The following MYO1E variants were observed in gnomAD, a reference collection of about 807,000 sequenced individuals.
MYO1E encodes unconventional myosin-Ie.
A neutral mutation model predicts 151.1 loss-of-function variants in MYO1E; 68 were observed. The ratio of observed to expected loss-of-function variants is 0.45; its 90% CI spans 0.37 to 0.55. The LOEUF is 0.55. Ranked by LOEUF, MYO1E falls within the 20% of genes least tolerant of loss-of-function variation. MYO1E has a pLI of 0.00. For synonymous variants in MYO1E, 601 were observed against 501.7 expected (o/e 1.20, Z -2.64); for missense variants, 1,363 against 1,389.3 (o/e 0.98, Z 0.30).
In MYO1E at chr15:59,200,271, G is replaced by A. The variant is rs535376357; in HGVS notation, c.1698+2055C>T. ...TCTGAATGTGACAGTCTTATGACTCGATTTTCCAGCCCAGAGTTAATCCTT... is the reference window on the plus strand; with the variant it reads ...TCTGAATGTGACAGTCTTATGACTCAATTTTCCAGCCCAGAGTTAATCCTT... On this transcript the variant is annotated intron_variant, in intron 16 of 27. Transcript: ENST00000288235. Among the ~76,000 whole-genome samples the A allele has an allele frequency of 4.2e-4, 64 of 152,232 alleles. No individual in the cohort carries two copies. The South Asian group carries it at 0.011, about 27-fold the overall frequency.
chr15:59,136,793 G>T lies in MYO1E; in HGVS notation c.*587C>A. On this transcript the variant is annotated 3_prime_UTR_variant, in exon 28 of 28. Transcript: ENST00000288235. ...AGCCCCTGACCTGCTTGGCGGCCCT[G>T]ATGGTCCCGGCAAAGTGTAAACCAG... 1 of 456,072 alleles carries T rather than the reference G, an allele frequency of 2.2e-6. No individual in the cohort carries two copies. The highest frequency in any genetic ancestry group is 1.5e-5 in the South Asian group (1 of 64,538). 28.3% of individuals were successfully genotyped at this position (456,072 alleles called of 1,614,324 possible). A position where few individuals can be genotyped will look rare whatever the true frequency, so the allele number is the denominator to read the frequency against.
intron 1 of MYO1E, among the ~76,000 whole-genome samples, chr15:59,338,757 C>A (rs943262324): frequency 6.6e-6 from 1 of 152,140 alleles, no homozygotes; most frequent in African/African-American, 2.4e-5. Context: ...GCAAGAGAAC[C>A]AAAGACAGGG....
At chr15:59,165,803 G>C (rs2079560134) in intron 22 of MYO1E, among the ~76,000 whole-genome samples, 1 of 152,238 alleles carries the variant, frequency 6.6e-6, no homozygotes, top group Non-Finnish European at 1.5e-5. Flanking sequence ...GCATTAGGTA[G>C]AGTGCATGCA....
At chr15:59,321,835 C>T (rs979380907) in intron 1 of MYO1E, among the ~76,000 whole-genome samples, 1 of 152,142 alleles carries the variant, frequency 6.6e-6, no homozygotes, top group Non-Finnish European at 1.5e-5. Context: ...CACTGCACTC[C>T]AGCCTGGGTG....
In MYO1E at chr15:59,178,485, G is replaced by C. The variant is rs150415919; in HGVS notation, c.1957C>G (p.Gln653Glu). The change falls in exon 19 of 28, where the codon CAA becomes GAA. Residue 653 changes from glutamine to glutamate, a missense_variant. Physicochemically the swap from Gln to Glu is conservative, Grantham distance 29. Coordinates refer to ENST00000288235, the MANE Select transcript of MYO1E (RefSeq NM_004998.4). Reference protein sequence around the residue: ...TWPSWQGEEKQGVLHLLQSVN... With the variant: ...TWPSWQGEEKEGVLHLLQSVN... ...GACTGCAGCAGGTGCAGGACGCCTTGCTTCTCCTCTCCCTGCCAAGAAGGC... is the reference window on the plus strand; with the variant it reads ...GACTGCAGCAGGTGCAGGACGCCTTCCTTCTCCTCTCCCTGCCAAGAAGGC... 102 of 1,614,090 alleles carry C rather than the reference G, an allele frequency of 6.3e-5. No homozygotes were observed. Among genetic ancestry groups the C allele is most frequent in the Non-Finnish European group, 8.4e-5 (99 of 1,180,050 alleles).
At chr15:59,351,752 C>T (rs1250775866) in intron 1 of MYO1E, among the ~76,000 whole-genome samples, 3 of 152,014 alleles carry the variant, frequency 2.0e-5, no homozygotes, top group Non-Finnish European at 2.9e-5. Context: ...TTGGAAATGG[C>T]AGGAGCAAGG....
At chr15:59,253,657 A>G (rs2080178112) in intron 4 of MYO1E, among the ~76,000 whole-genome samples, 1 of 151,686 alleles carries the variant, frequency 6.6e-6, no homozygotes, top group Admixed American at 6.6e-5. Context: ...AATTTTTTGT[A>G]TTTTAGTAGA....
intron 21 of MYO1E, among the ~76,000 whole-genome samples, chr15:59,173,297 T>TA (rs1240295135): frequency 1.3e-5 from 2 of 152,138 alleles, no homozygotes; most frequent in Non-Finnish European, 2.9e-5. Context: ...GTTACGATAG[T>TA]AAAAAAGAAA....
chr15:59,296,839 C>CTTTTTT (rs10717328), intron 1 of MYO1E, among the ~76,000 whole-genome samples: 5 of 125,528 alleles, frequency 4.0e-5, no homozygotes, highest in African/African-American at 6.0e-5. Flanking sequence ...ATACTTTTTT[C>CTTTTTT]TTTTTTTTTT....
At chr15:59,280,240 T>A (rs2080345275) in intron 1 of MYO1E, among the ~76,000 whole-genome samples, 1 of 152,236 alleles carries the variant, frequency 6.6e-6, no homozygotes, top group Non-Finnish European at 1.5e-5. Context: ...AATGAACAGT[T>A]CAAAGATAAG....
intron 1 of MYO1E, among the ~76,000 whole-genome samples, chr15:59,316,183 A>C (rs1297414002): frequency 6.6e-6 from 1 of 152,224 alleles, no homozygotes; most frequent in Non-Finnish European, 1.5e-5. Flanking sequence ...CCATCTGAAG[A>C]ATTTAGTGTA....
intron 1 of MYO1E, among the ~76,000 whole-genome samples, chr15:59,312,956 G>A (rs952304784): frequency 2.6e-5 from 4 of 152,240 alleles, no homozygotes; most frequent in East Asian, 1.9e-4. Context: ...CAGGAGAGTC[G>A]CTTGAACCCG....
chr15:59,250,905 G>A (rs1374148926), intron 4 of MYO1E, among the ~76,000 whole-genome samples: 1 of 152,170 alleles, frequency 6.6e-6, no homozygotes, highest in Admixed American at 6.5e-5. Flanking sequence ...TTCAGTGCAG[G>A]TGGACCTTGC....
chr15:59,274,528 T>A (rs1161444143), intron 1 of MYO1E, among the ~76,000 whole-genome samples: 1 of 152,148 alleles, frequency 6.6e-6, no homozygotes, highest in Non-Finnish European at 1.5e-5. Context: ...TGCAGATTGG[T>A]TGGTTGGTTT....
At chr15:59,151,446 C>G (rs1175533569) in intron 26 of MYO1E, among the ~76,000 whole-genome samples, 2 of 151,754 alleles carry the variant, frequency 1.3e-5, no homozygotes, top group African/African-American at 4.8e-5. Flanking sequence ...CAAAAAACCC[C>G]CCCCAAAAAA....
chr15:59,175,852 CT>C (rs1365561462), intron 19 of MYO1E, among the ~76,000 whole-genome samples: 2 of 151,956 alleles, frequency 1.3e-5, no homozygotes, highest in Non-Finnish European at 2.9e-5. Flanking sequence ...TTTTAGATTT[CT>C]TTTTAAAAGC....
At chr15:59,319,398 T>C (rs1047849434) in intron 1 of MYO1E, among the ~76,000 whole-genome samples, 1 of 152,026 alleles carries the variant, frequency 6.6e-6, no homozygotes, top group Admixed American at 6.6e-5. Context: ...AATAAATGCA[T>C]ATTTTATAAT....
chr15:59,178,654 T>G (rs1458316584), intron 18 of MYO1E, 117 bp from the exon 19 acceptor site: 4 of 1,350,364 alleles, frequency 3.0e-6, no homozygotes. Flanking sequence ...AAGTTACTGA[T>G]CATCTGTTTA....
At chr15:59,203,917 G>C (rs369521212) in intron 15 of MYO1E, among the ~76,000 whole-genome samples, 2 of 152,092 alleles carry the variant, frequency 1.3e-5, no homozygotes, top group African/African-American at 4.8e-5. Context: ...TGGGCATCTT[G>C]AATTTTCCAG....
Sources: gnomAD v4.1 joint callset for allele counts (sites outside exome capture counted in the v4.1 genomes callset) on GRCh38, gnomAD v4.1.1 for gene constraint, MANE v1.5 for transcripts, NCBI Gene and HGNC (gene_info 2026-07-23, HGNC 2026-07-21) for gene names.